Variants in ATP11B observed in about 807,000 individuals in gnomAD.
ATP11B encodes phospholipid-transporting ATPase IF.
A neutral mutation model predicts 157.8 loss-of-function variants in ATP11B; 81 were observed. That is an observed-to-expected ratio of 0.51 (90% CI 0.43 to 0.62). The LOEUF (loss-of-function observed/expected upper bound fraction) is 0.62. Ranked by LOEUF, ATP11B falls within the 20% of genes least tolerant of loss-of-function variation. ATP11B has a pLI of 0.00. For missense variants in ATP11B, 1,165 were observed against 1,402.2 expected, an observed-to-expected ratio of 0.83 and a Z score of 2.70; for synonymous variants, 451 against 469.4, an observed-to-expected ratio of 0.96 and a Z score of 0.51.
chr3:182,857,303 G>T (rs562905783), intron 10 of ATP11B, among the ~76,000 whole-genome samples: 2 of 152,054 alleles, frequency 1.3e-5, no homozygotes, highest in South Asian at 4.1e-4. Context: ...CCGTCACCAC[G>T]CCCAGCTAAT....
chr3:182,903,769 C>G (rs1326193913), intron 28 of ATP11B, among the ~76,000 whole-genome samples: 1 of 152,162 alleles, frequency 6.6e-6, no homozygotes, highest in Non-Finnish European at 1.5e-5. Context: ...CTTTCTATCA[C>G]ATTTTTGAGC....
intron 10 of ATP11B, among the ~76,000 whole-genome samples, chr3:182,855,245 C>G (rs974049642): frequency 7.2e-5 from 11 of 152,074 alleles, no homozygotes; most frequent in African/African-American, 2.7e-4. Context: ...CAGAACAGAC[C>G]AACACTAATA....
At chr3:182,873,741 A>G in intron 18 of ATP11B, 71 bp from the exon 19 acceptor site, 4 of 1,226,262 alleles carry the variant, frequency 3.3e-6, no homozygotes, top group South Asian at 1.3e-5. Context: ...CCTTAAATAT[A>G]CTATGTAGTT....
chr3:182,805,649 T>G (rs1413808520), intron 1 of ATP11B, among the ~76,000 whole-genome samples: 2 of 150,348 alleles, frequency 1.3e-5, no homozygotes, highest in African/African-American at 4.9e-5. Flanking sequence ...TTAGTAATGA[T>G]GGGGTTTCTC....
intron 29 of ATP11B, chr3:182,914,984 T>G: frequency 6.1e-6 from 6 of 985,244 alleles, no homozygotes; most frequent in Non-Finnish European, 7.2e-6. Context: ...TAGCACTTTC[T>G]ACATGTGCCA....
intron 10 of ATP11B, among the ~76,000 whole-genome samples, chr3:182,852,851 C>T (rs1482616150): frequency 6.6e-6 from 1 of 152,072 alleles, no homozygotes; most frequent in Non-Finnish European, 1.5e-5. Flanking sequence ...TAAACTTCAT[C>T]GAAATGTAAG....
chr3:182,815,105 T>C (rs1443764817), intron 1 of ATP11B, among the ~76,000 whole-genome samples: 2 of 152,234 alleles, frequency 1.3e-5, no homozygotes, highest in Non-Finnish European at 2.9e-5. Context: ...AAGATTACTC[T>C]AGATTTTATA....
chr3:182,900,816 C>T (rs955875644), intron 28 of ATP11B, among the ~76,000 whole-genome samples: 2 of 151,926 alleles, frequency 1.3e-5, no homozygotes, highest in South Asian at 2.1e-4. Context: ...GAGGCCGAGG[C>T]GGGTGGATGG....
At chr3:182,898,994 G>C (rs1577097683) in intron 28 of ATP11B, among the ~76,000 whole-genome samples, 3 of 151,592 alleles carry the variant, frequency 2.0e-5, no homozygotes, top group Admixed American at 2.0e-4. Context: ...TAATTACATT[G>C]TGTTGTTAAT....
At position 182,866,355 on chromosome 3, in the gene ATP11B, G is replaced by T; in HGVS notation, c.1531G>T (p.Gly511Cys). Residue 511 changes from glycine to cysteine, a missense_variant, in exon 14 of 30, where the codon GGT becomes TGT. This residue lies in a region of ATP11B where 737 missense variants were observed against 930.5 expected (regional missense o/e 0.79). Transcript: ENST00000323116. Reference protein sequence around the residue: ...SNVQTDCTGDGPWQSNLAPSQ... With the variant: ...SNVQTDCTGDCPWQSNLAPSQ... ...TGTTCAAACTGACTGCACTGGTGAT[G>T]GTCCCTGGCAATCCAACCTGGCACC... 6.2e-7 allele frequency: 1 copy of T among 1,613,936 alleles called. No homozygotes were observed. Among genetic ancestry groups the T allele is most frequent in the South Asian group, 1.1e-5 (1 of 91,016 alleles).
At chr3:182,856,613 A>G (rs949062506) in intron 10 of ATP11B, among the ~76,000 whole-genome samples, 1 of 152,208 alleles carries the variant, frequency 6.6e-6, no homozygotes, top group Non-Finnish European at 1.5e-5. Flanking sequence ...GTTCTCATGT[A>G]TAAAAATGCG....
chr3:182,854,207 C>T (rs1028060306), intron 10 of ATP11B, among the ~76,000 whole-genome samples: 1 of 152,206 alleles, frequency 6.6e-6, no homozygotes. Flanking sequence ...CGGTGGCTCA[C>T]ACCAGTAATC....
At chr3:182,884,470 T>C (rs1182497321) in intron 21 of ATP11B, among the ~76,000 whole-genome samples, 1 of 152,160 alleles carries the variant, frequency 6.6e-6, no homozygotes, top group African/African-American at 2.4e-5. Context: ...TAATTGATGT[T>C]CCTGCTAAAT....
At chr3:182,884,277 C>A (rs1014905942) in intron 21 of ATP11B, among the ~76,000 whole-genome samples, 2 of 151,644 alleles carry the variant, frequency 1.3e-5, no homozygotes, top group Non-Finnish European at 2.9e-5. Flanking sequence ...TCATATTTTC[C>A]TTTTAAAAAG....
chr3:182,831,978 A>G (rs1371587589), intron 4 of ATP11B, among the ~76,000 whole-genome samples: 1 of 152,170 alleles, frequency 6.6e-6, no homozygotes, highest in Non-Finnish European at 1.5e-5. Flanking sequence ...TAAATGAATG[A>G]ATGAACTTAT....
chr3:182,856,380 A>C (rs957709549), intron 10 of ATP11B, among the ~76,000 whole-genome samples: 1 of 152,216 alleles, frequency 6.6e-6, no homozygotes, highest in Non-Finnish European at 1.5e-5. Context: ...TTTGAAAAAT[A>C]GGTTAGTAAT....
At chr3:182,836,514 GTC>G in intron 6 of ATP11B, 44 bp downstream of exon 6, 1 of 1,611,248 alleles carries the variant, frequency 6.2e-7, no homozygotes, top group Non-Finnish European at 8.5e-7. Flanking sequence ...TGAACAAAGT[GTC>G]TTTGGATTAT....
chr3:182,839,175 A>G (rs930466460), intron 7 of ATP11B, among the ~76,000 whole-genome samples: 2 of 152,188 alleles, frequency 1.3e-5, no homozygotes, highest in Admixed American at 6.5e-5. Flanking sequence ...ACAAACTAAT[A>G]CAGGAACAGA....
chr3:182,913,951 C>T lies in ATP11B; in HGVS notation c.3409C>T (p.Leu1137=). 1 of 1,614,080 alleles carries T rather than the reference C, an allele frequency of 6.2e-7. No homozygotes were observed. Among genetic ancestry groups the T allele is most frequent in the Non-Finnish European group, 8.5e-7 (1 of 1,179,950 alleles). ...AGCGTGTGCATCTGTTGGAAGAATG[C>T]TGGAACGAGTTATAGGAAGATGTAG... ...EAACASVGRM[L]ERVIGRCSPT... Residue 1137 remains leucine, a synonymous_variant, in exon 29 of 30, where the codon CTG becomes TTG. Transcript: ENST00000323116.
Sources: allele counts gnomAD v4.1 joint callset (sites outside exome capture counted in the v4.1 genomes callset), GRCh38; gene constraint gnomAD v4.1.1; regional missense constraint gnomAD v4.1.1; transcripts MANE v1.5; gene names NCBI Gene and HGNC (gene_info 2026-07-23, HGNC 2026-07-21).